The following WFDC11 variants were observed in gnomAD, a reference collection of about 807,000 sequenced individuals.
WFDC11 encodes the protein protein WFDC11.
WFDC11 carries 9 observed loss-of-function variants against 9.9 expected under a neutral mutation model. The observed-to-expected ratio is 0.91, with a 90% CI of 0.55 to 1.58. The LOEUF (loss-of-function observed/expected upper bound fraction) is 1.58, where lower values mean the gene tolerates loss of function less well. WFDC11 is among the 40% of genes most tolerant of loss of function. The pLI, the probability that WFDC11 is intolerant of heterozygous loss-of-function variation, is 0.00. For missense variants in WFDC11, 106 were observed against 101.7 expected (o/e 1.04, Z -0.18); for synonymous variants, 32 against 33.3 (o/e 0.96, Z 0.13).
intron 2 of WFDC11, among the ~76,000 whole-genome samples, chr20:45,659,357 A>G (rs1379841031): frequency 1.3e-5 from 2 of 152,206 alleles, no homozygotes; most frequent in Non-Finnish European, 2.9e-5. Context: ...ATTTCTCCAC[A>G]TCCTCTCTAG....
At chr20:45,650,456 AG>A in intron 3 of WFDC11, 44 bp downstream of exon 3, 1 of 1,516,454 alleles carries the variant, frequency 6.6e-7, no homozygotes, top group Non-Finnish European at 9.2e-7. Context: ...TTCAGAAACA[AG>A]CTCATCCCCC....
chr20:45,666,893 C>A (rs1042290822), intron 2 of WFDC11, among the ~76,000 whole-genome samples, 195 bp downstream of exon 2: 1 of 152,180 alleles, frequency 6.6e-6, no homozygotes, highest in African/African-American at 2.4e-5. Flanking sequence ...TGGAGGCACA[C>A]AATGTCTATC....
chr20:45,662,601 C>A (rs1412794166), intron 2 of WFDC11, among the ~76,000 whole-genome samples: 3 of 152,168 alleles, frequency 2.0e-5, no homozygotes, highest in Non-Finnish European at 4.4e-5. Context: ...CCATCAATAG[C>A]AAATTTATTA....
At chr20:45,658,165 T>C (rs1403275478) in intron 2 of WFDC11, among the ~76,000 whole-genome samples, 2 of 152,160 alleles carry the variant, frequency 1.3e-5, no homozygotes, top group Non-Finnish European at 2.9e-5. Flanking sequence ...CATAAACATA[T>C]CCATCACCTC....
chr20:45,665,389 A>C (rs958791706), intron 2 of WFDC11, among the ~76,000 whole-genome samples: 2 of 151,852 alleles, frequency 1.3e-5, no homozygotes, highest in African/African-American at 4.8e-5. Context: ...GAAGTTTGTT[A>C]TTATAGACCT....
chr20:45,669,311 C>T (rs994526186), intron 1 of WFDC11, among the ~76,000 whole-genome samples: 1 of 152,184 alleles, frequency 6.6e-6, no homozygotes, highest in African/African-American at 2.4e-5. Context: ...AATTATAGCA[C>T]AGGCATACCT....
At chr20:45,649,506 AT>A in intron 3 of WFDC11, 107 bp from the exon 4 acceptor site, 1 of 1,382,426 alleles carries the variant, frequency 7.2e-7, no homozygotes, top group Non-Finnish European at 9.8e-7. Context: ...TGGGCCCCAA[AT>A]TCCAACCAAG....
intron 4 of WFDC11, 141 bp from the exon 5 acceptor site, chr20:45,648,880 T>C: frequency 1.1e-6 from 1 of 929,326 alleles, no homozygotes; most frequent in South Asian, 1.6e-5. Flanking sequence ...TGTCCACTTC[T>C]GAGTAGGTGA....
chr20:45,654,397 C>A (rs1174930728), intron 2 of WFDC11, among the ~76,000 whole-genome samples: 3 of 152,150 alleles, frequency 2.0e-5, no homozygotes, highest in Non-Finnish European at 4.4e-5. Flanking sequence ...AACAAAGACA[C>A]AACATACCAG....
chr20:45,649,832 A>G (rs1334863300), intron 3 of WFDC11, among the ~76,000 whole-genome samples: 1 of 152,182 alleles, frequency 6.6e-6, no homozygotes, highest in Non-Finnish European at 1.5e-5. Flanking sequence ...AGTAAGAAAC[A>G]GATTCTCTCC....
At chr20:45,664,222 A>T (rs373602900) in intron 2 of WFDC11, among the ~76,000 whole-genome samples, 10 of 152,026 alleles carry the variant, frequency 6.6e-5, no homozygotes, top group Non-Finnish European at 1.5e-4. Flanking sequence ...AGTCTGTTTT[A>T]TCAGAGACTA....
At chr20:45,668,673 A>G (rs1275851708) in intron 1 of WFDC11, among the ~76,000 whole-genome samples, 2 of 152,154 alleles carry the variant, frequency 1.3e-5, no homozygotes, top group African/African-American at 4.8e-5. Flanking sequence ...TTTCTTATGT[A>G]CATATATATT....
At chr20:45,665,346 G>A (rs1200338373) in intron 2 of WFDC11, among the ~76,000 whole-genome samples, 1 of 152,098 alleles carries the variant, frequency 6.6e-6, no homozygotes, top group Non-Finnish European at 1.5e-5. Context: ...TAGCTTCCTT[G>A]CAATGGGTTC....
rs190529856 is a variant in WFDC11, at chr20:45,654,872, A to C, written c.-51-4221T>G. ...TCCTTGACACCTACACCCTCCCAAG[A>C]CTAAACCAGGAAGAAGTTGAATCGC... On this transcript the variant is annotated intron_variant, in intron 2 of 4. Transcript: ENST00000324384. Among the ~76,000 whole-genome samples the C allele has an allele frequency of 7.9e-5, 12 of 152,352 alleles. No homozygotes were observed. In the East Asian group the frequency reaches 2.3e-3, roughly 29 times the overall value.
rs901512080 is a variant in WFDC11, at chr20:45,649,418, G to C, written c.101-19C>G. 1.2e-6 allele frequency: 2 copies of C among 1,611,964 alleles called. No individual in the cohort carries two copies. Among genetic ancestry groups the C allele is most frequent in the Non-Finnish European group, 8.5e-7 (1 of 1,179,528 alleles). On this transcript the variant is annotated intron_variant, in intron 3 of 4. Coordinates refer to ENST00000324384, the MANE Select transcript of WFDC11 (RefSeq NM_147197.2). ...TCCTTCCCTGAAATTGAGATGAGAT[G>C]GTCAAAGGTTGATGGTATGTTTCAG...
chr20:45,650,694 C>A, intron 2 of WFDC11, 43 bp from the exon 3 acceptor site: 2 of 1,056,388 alleles, frequency 1.9e-6, no homozygotes, highest in Admixed American at 1.9e-5. Context: ...AGGTGTGAAG[C>A]AAGAGAAAGT....
intron 2 of WFDC11, among the ~76,000 whole-genome samples, chr20:45,653,391 A>C (rs561411176): frequency 5.9e-5 from 9 of 152,250 alleles, no homozygotes; most frequent in Admixed American, 4.6e-4. Context: ...GAGATTTTAT[A>C]ACCACCAGGC....
intron 2 of WFDC11, among the ~76,000 whole-genome samples, chr20:45,658,392 T>C (rs1982980201): frequency 6.6e-6 from 1 of 152,166 alleles, no homozygotes; most frequent in Admixed American, 6.6e-5. Flanking sequence ...TTGTTATTGG[T>C]CTGTTCAGGG....
intron 2 of WFDC11, among the ~76,000 whole-genome samples, chr20:45,663,267 G>T (rs6032415): frequency 0.6 from 90,430 of 151,826 alleles, 27,927 homozygotes; most frequent in East Asian, 0.98. Context: ...GGTGGTGATA[G>T]CCCCCCTTTA....
Sources: gnomAD v4.1 joint callset for allele counts (sites outside exome capture counted in the v4.1 genomes callset) on GRCh38, gnomAD v4.1.1 for gene constraint, MANE v1.5 for transcripts, NCBI Gene and HGNC (gene_info 2026-07-23, HGNC 2026-07-21) for gene names.